The following SLC39A11 variants were observed in gnomAD, a reference collection of about 807,000 sequenced individuals.
The protein encoded by SLC39A11 is zinc transporter ZIP11.
A neutral mutation model predicts 36.1 loss-of-function variants in SLC39A11; 33 were observed. That is an observed-to-expected ratio of 0.91 (90% CI 0.69 to 1.22). SLC39A11 has a LOEUF of 1.22. SLC39A11 is among the 50% of genes most tolerant of loss of function. The probability of loss-of-function intolerance (pLI) is 0.00; values close to 1 mark genes in which losing one functional copy is unlikely to be tolerated. For missense variants in SLC39A11, 432 were observed against 430.3 expected, an observed-to-expected ratio of 1.00 and a Z score of -0.03; for synonymous variants, 166 against 170.3, an observed-to-expected ratio of 0.97 and a Z score of 0.20.
intron 5 of SLC39A11, among the ~76,000 whole-genome samples, chr17:72,929,566 T>C (rs995379532): frequency 3.9e-5 from 6 of 152,138 alleles, no homozygotes; most frequent in East Asian, 3.8e-4. Flanking sequence ...TGCTACCCAA[T>C]TGTCAGCCAA....
At chr17:72,925,069 C>T (rs1198743101) in intron 5 of SLC39A11, among the ~76,000 whole-genome samples, 2 of 151,668 alleles carry the variant, frequency 1.3e-5, no homozygotes. Flanking sequence ...AGGAGAATTC[C>T]CTATCCCAAG....
chr17:72,649,594 C>T (rs562848558), intron 7 of SLC39A11, among the ~76,000 whole-genome samples: 19 of 152,050 alleles, frequency 1.2e-4, no homozygotes, highest in African/African-American at 4.3e-4. Flanking sequence ...TATAACTGCA[C>T]TTTTCATTTT....
At chr17:72,722,471 C>CAAGG (rs777016131) in intron 7 of SLC39A11, among the ~76,000 whole-genome samples, 3 of 144,860 alleles carry the variant, frequency 2.1e-5, no homozygotes, top group Non-Finnish European at 4.5e-5. Context: ...TATTATTATG[C>CAAGG]AAGGTTTTCA....
chr17:72,742,852 G>A (rs2074770437), intron 6 of SLC39A11, among the ~76,000 whole-genome samples: 1 of 152,200 alleles, frequency 6.6e-6, no homozygotes, highest in Admixed American at 6.5e-5. Flanking sequence ...CCCATTGAGT[G>A]GCAGGGCTCA....
intron 7 of SLC39A11, among the ~76,000 whole-genome samples, chr17:72,681,803 T>C (rs1438084385): frequency 6.6e-6 from 1 of 152,182 alleles, no homozygotes; most frequent in Non-Finnish European, 1.5e-5. Flanking sequence ...ATAGTAAATA[T>C]ATTTTCTCTT....
intron 4 of SLC39A11, among the ~76,000 whole-genome samples, chr17:72,973,053 A>G (rs1453424446): frequency 2.0e-5 from 3 of 151,522 alleles, no homozygotes; most frequent in Non-Finnish European, 4.4e-5. Context: ...CCACATGCAC[A>G]CCACGAAGCC....
At chr17:72,869,098 CA>C (rs1160397401) in intron 5 of SLC39A11, among the ~76,000 whole-genome samples, 1 of 152,146 alleles carries the variant, frequency 6.6e-6, no homozygotes, top group East Asian at 1.9e-4. Context: ...GAAAGGAAGT[CA>C]GAGGTTCTTC....
At chr17:72,905,172 C>CAAAAAA (rs58702930) in intron 5 of SLC39A11, among the ~76,000 whole-genome samples, 4,005 of 42,884 alleles carry the variant, frequency 0.093, 844 homozygotes, top group East Asian at 0.2. Flanking sequence ...GACTCCATCT[C>CAAAAAA]AAAAAAAAAA....
At chr17:72,918,326 T>C (rs1177473846) in intron 5 of SLC39A11, among the ~76,000 whole-genome samples, 2 of 152,136 alleles carry the variant, frequency 1.3e-5, no homozygotes, top group Non-Finnish European at 2.9e-5. Flanking sequence ...GGAGAATCGC[T>C]TGAACCCGGG....
chr17:73,024,864 A>ATTTTTTTTTTTTTTTTTTTTTTTTTTTTT (rs1163840820), intron 4 of SLC39A11, among the ~76,000 whole-genome samples: 1 of 97,900 alleles, frequency 1.0e-5, no homozygotes, highest in Non-Finnish European at 1.9e-5. Context: ...TGCCCAGCTA[A>ATTTTTTTTTTTTTTTTTTTTTTTTTTTTT]TTTTTTTTTT....
intron 6 of SLC39A11, among the ~76,000 whole-genome samples, chr17:72,816,322 C>G (rs940512457): frequency 2.0e-5 from 3 of 152,072 alleles, no homozygotes; most frequent in Non-Finnish European, 2.9e-5. Context: ...TCAGAGAGTT[C>G]TGTTGTTGTT....
chr17:72,748,002 C>A (rs1463083175), intron 6 of SLC39A11, among the ~76,000 whole-genome samples: 1 of 152,132 alleles, frequency 6.6e-6, no homozygotes, highest in African/African-American at 2.4e-5. Flanking sequence ...TAGAAGTGTT[C>A]TAGAAAAGTT....
intron 7 of SLC39A11, chr17:72,712,660 G>A (rs993998627): frequency 2.8e-5 from 4 of 145,396 alleles, no homozygotes; most frequent in African/African-American, 1.1e-4. Context: ...AACTTTCCAC[G>A]AAGCTTGAAG....
In SLC39A11 at chr17:73,088,683, G is replaced by C. The variant is rs540522972; in HGVS notation, c.82C>G (p.Leu28Val). The C allele has an allele frequency of 1.9e-4, 313 of 1,612,768 alleles. 2 individuals carry two copies. The South Asian group carries it at 3.3e-3, about 17-fold the overall frequency. The part of the protein sequence containing the change: ...TWGMTAAGAA[L>V]VFVFSSGQRR... ...TGTCCACTAGAGAATACGAACACGA[G>C]AGCTGCCCCAGCTGCTGTCATCCCC... Residue 28 changes from leucine to valine, a missense_variant, in exon 2 of 10, where the codon CTC becomes GTC. By Grantham distance (32) the Leu-to-Val change is conservative (BLOSUM62 1). Coordinates refer to ENST00000255559, the MANE Select transcript of SLC39A11 (RefSeq NM_139177.4).
chr17:73,003,547 C>A (rs1332580703), intron 4 of SLC39A11, among the ~76,000 whole-genome samples: 1 of 152,100 alleles, frequency 6.6e-6, no homozygotes, highest in African/African-American at 2.4e-5. Context: ...AGAGAGCAGG[C>A]AGACAAGACC....
intron 4 of SLC39A11, among the ~76,000 whole-genome samples, chr17:72,967,459 G>C (rs2148005061): frequency 6.6e-6 from 1 of 151,026 alleles, no homozygotes; most frequent in Admixed American, 6.6e-5. Context: ...CATATCCTGG[G>C]AGCCATCCTA....
At chr17:72,970,780 A>C (rs1568044072) in intron 4 of SLC39A11, among the ~76,000 whole-genome samples, 1 of 152,258 alleles carries the variant, frequency 6.6e-6, no homozygotes, top group Non-Finnish European at 1.5e-5. Flanking sequence ...ACAGCCCCCC[A>C]AGGGGATGAG....
chr17:72,763,041 G>C (rs1446151001), intron 6 of SLC39A11, among the ~76,000 whole-genome samples: 1 of 152,180 alleles, frequency 6.6e-6, no homozygotes, highest in Admixed American at 6.5e-5. Flanking sequence ...TGGAGGCAGA[G>C]AGAACTAGAC....
chr17:72,748,315 C>A (rs2075023941), intron 6 of SLC39A11, among the ~76,000 whole-genome samples: 1 of 70,082 alleles, frequency 1.4e-5, no homozygotes, highest in Admixed American at 1.4e-4. Context: ...GAGGGAGACT[C>A]CATCTCAAAA....
Sources: gnomAD v4.1 joint callset for allele counts (sites outside exome capture counted in the v4.1 genomes callset) on GRCh38, gnomAD v4.1.1 for gene constraint, MANE v1.5 for transcripts, NCBI Gene and HGNC (gene_info 2026-07-23, HGNC 2026-07-21) for gene names.